The following SLC41A1 variants were observed in gnomAD, a reference collection of about 807,000 sequenced individuals.
SLC41A1 encodes solute carrier family 41 member 1, also known as solute carrier family 41 (magnesium transporter), member 1.
In SLC41A1, 20 loss-of-function variants were observed where a neutral mutation model predicts 47.3. The observed-to-expected ratio is 0.42, with a 90% CI of 0.30 to 0.61. SLC41A1 has a LOEUF of 0.61. Ranked by LOEUF, SLC41A1 falls within the 20% of genes least tolerant of loss-of-function variation. The pLI is 0.17. For missense variants in SLC41A1, 504 were observed against 674.1 expected, an observed-to-expected ratio of 0.75 and a Z score of 2.79; for synonymous variants, 282 against 272.7, an observed-to-expected ratio of 1.03 and a Z score of -0.34.
Position 205,795,422 on chromosome 1 carries a change from T to C in SLC41A1, c.1129A>G (p.Met377Val). The change falls in exon 9 of 11, where the codon ATG becomes GTG. Residue 377 changes from methionine (M) to valine (V), a missense_variant. Met to Val is a conservative substitution (Grantham distance 21). This residue lies in a region of SLC41A1 where 421 missense variants were observed against 601.6 expected (regional missense o/e 0.70). Coordinates refer to ENST00000367137, the MANE Select transcript of SLC41A1 (RefSeq NM_173854.6). ...QASRISTFLH[M>V]NGMPGENSEQ... ...GAGTTCTCTCCGGGCATTCCATTCA[T>C]GTGCAGGAAGGTGGAGATGCGGCTG... 4 of 1,614,198 alleles carry C rather than the reference T, an allele frequency of 2.5e-6. No individual in the cohort carries two copies. Among genetic ancestry groups the C allele is most frequent in the East Asian group, 2.2e-5 (1 of 44,880 alleles).
intron 10 of SLC41A1, 115 bp downstream of exon 10, chr1:205,794,755 C>T: frequency 2.2e-6 from 3 of 1,388,474 alleles, no homozygotes; most frequent in Non-Finnish European, 3.0e-6. Context: ...TTATCAGCTG[C>T]CCTGACACAG....
chr1:205,804,473 G>A (rs1364577524), intron 2 of SLC41A1, among the ~76,000 whole-genome samples: 2 of 152,138 alleles, frequency 1.3e-5, no homozygotes, highest in African/African-American at 4.8e-5. Flanking sequence ...GGATGAGCCA[G>A]CCCTCTCCAA....
chr1:205,812,669 C>CTCT (rs1656185310), intron 1 of SLC41A1, 139 bp downstream of exon 1: 1 of 877,632 alleles, frequency 1.1e-6, no homozygotes, highest in Admixed American at 6.2e-5. Context: ...ATTTTAGTAT[C>CTCT]CCCAACCCCG....
At chr1:205,802,205 C>T (rs988960160) in intron 2 of SLC41A1, among the ~76,000 whole-genome samples, 13 of 152,156 alleles carry the variant, frequency 8.5e-5, no homozygotes, top group African/African-American at 3.1e-4. Flanking sequence ...GGAGGCCAAG[C>T]ACTATGTTTG....
intron 10 of SLC41A1, among the ~76,000 whole-genome samples, chr1:205,792,505 T>A (rs1655647407): frequency 6.6e-6 from 1 of 152,208 alleles, no homozygotes; most frequent in Admixed American, 6.5e-5. Flanking sequence ...ATGACTCAGA[T>A]CAGAATCTCG....
intron 1 of SLC41A1, among the ~76,000 whole-genome samples, chr1:205,811,580 C>A (rs1207471497): frequency 6.6e-6 from 1 of 152,222 alleles, no homozygotes; most frequent in Non-Finnish European, 1.5e-5. Context: ...GACAGCCACA[C>A]AGGGCAAAGA....
chr1:205,800,016 G>C (rs1655843580), intron 3 of SLC41A1, among the ~76,000 whole-genome samples, 186 bp from the exon 4 acceptor site: 1 of 152,236 alleles, frequency 6.6e-6, no homozygotes, highest in Admixed American at 6.5e-5. Flanking sequence ...AGCTAAAGCT[G>C]GGCTCCTGCA....
chr1:205,798,538 G>C, intron 6 of SLC41A1, 131 bp downstream of exon 6: 1 of 1,353,912 alleles, frequency 7.4e-7, no homozygotes, highest in Non-Finnish European at 1.0e-6. Flanking sequence ...TCTAAGATCA[G>C]GAATTATTAC....
At chr1:205,796,107 T>A (rs903223682) in intron 8 of SLC41A1, 3 of 159,918 alleles carry the variant, frequency 1.9e-5, no homozygotes, top group African/African-American at 7.2e-5. Context: ...TTACCCAGTC[T>A]CCCTTGCTGG....
intron 8 of SLC41A1, chr1:205,795,848 G>C: frequency 5.7e-6 from 2 of 352,968 alleles, no homozygotes; most frequent in South Asian, 2.3e-5. Flanking sequence ...ACACAGCTGA[G>C]GGGATGAAGC....
intron 8 of SLC41A1, chr1:205,796,489 T>G: frequency 1.6e-5 from 4 of 242,728 alleles, no homozygotes; most frequent in Non-Finnish European, 3.3e-5. Context: ...ATTTTGCACA[T>G]GCCCAGTTTT....
At chr1:205,805,787 C>G (rs933800688) in intron 2 of SLC41A1, among the ~76,000 whole-genome samples, 4 of 152,166 alleles carry the variant, frequency 2.6e-5, no homozygotes, top group Admixed American at 2.6e-4. Flanking sequence ...AGTGGTCCTG[C>G]CAGTACCTCT....
chr1:205,801,065 G>C lies in SLC41A1; in HGVS notation c.373-5C>G. 1 of 1,613,142 alleles carries C rather than the reference G, an allele frequency of 6.2e-7. No homozygotes were observed. The highest frequency in any genetic ancestry group is 8.5e-7 in the Non-Finnish European group (1 of 1,179,096). ...CTTCTGGAAGACTTCCCAGTGCTAC[G>C]AGGTGAAAACAGAACCCAGGAATTT... On this transcript the variant is annotated splice_polypyrimidine_tract_variant and splice_region_variant and intron_variant, in intron 2 of 10. Transcript: ENST00000367137.
At chr1:205,793,385 G>A (rs1307465991) in intron 10 of SLC41A1, among the ~76,000 whole-genome samples, 1 of 152,218 alleles carries the variant, frequency 6.6e-6, no homozygotes, top group Non-Finnish European at 1.5e-5. Flanking sequence ...TTCAGGCCAA[G>A]GGATGAGCTG....
At position 205,795,494 on chromosome 1, in the gene SLC41A1, C is replaced by T. The variant is rs372104416; in HGVS notation, c.1073-16G>A. ...CCCCCAACACCTGCAGAGACACATA[C>T]GGGCTTAGACACAGACAGAGGTCAG... On this transcript the variant is annotated splice_polypyrimidine_tract_variant and intron_variant, in intron 8 of 10. Transcript: ENST00000367137. 3.7e-5 allele frequency: 60 copies of T among 1,613,956 alleles called. 1 individual carries two copies. Among genetic ancestry groups the T allele is most frequent in the Admixed American group, 1.5e-4 (9 of 59,986 alleles).
chr1:205,811,064 G>C lies in SLC41A1; in HGVS notation c.-623C>G, dbSNP rs1656142378. 6.4e-6 allele frequency: 1 copy of C among 155,094 alleles called. No individual in the cohort carries two copies. Among genetic ancestry groups the C allele is most frequent in the African/African-American group, 2.4e-5 (1 of 41,448 alleles). The allele number at this position is 155,094 out of a possible 1,614,324, so 9.6% of individuals were successfully genotyped here. ...CCTCTTCAAATCCCTGGTCCTTAAA[G>C]TCACGAGAATCAGTGTGGAACACCT... On this transcript the variant is annotated 5_prime_UTR_variant, in exon 2 of 11. Transcript: ENST00000367137.
At chr1:205,801,859 A>G (rs974402770) in intron 2 of SLC41A1, among the ~76,000 whole-genome samples, 3 of 152,190 alleles carry the variant, frequency 2.0e-5, no homozygotes, top group Admixed American at 1.3e-4. Context: ...AGTGCTCTCC[A>G]TGTATTTTCT....
intron 2 of SLC41A1, among the ~76,000 whole-genome samples, chr1:205,809,286 C>G (rs2102511766): frequency 6.6e-6 from 1 of 152,320 alleles, no homozygotes; most frequent in South Asian, 2.1e-4. Flanking sequence ...ATCTCTGGCT[C>G]TTAGATTCCA....
chr1:205,802,878 TAG>T (rs1391043073), intron 2 of SLC41A1, among the ~76,000 whole-genome samples: 9 of 151,690 alleles, frequency 5.9e-5, no homozygotes, highest in Non-Finnish European at 1.2e-4. Flanking sequence ...AGCAAGGATG[TAG>T]AGTTTGGGCT....
Sources: gnomAD v4.1 joint callset for allele counts (sites outside exome capture counted in the v4.1 genomes callset) on GRCh38, gnomAD v4.1.1 for gene constraint, gnomAD v4.1.1 regional missense constraint, MANE v1.5 for transcripts, NCBI Gene and HGNC (gene_info 2026-07-23, HGNC 2026-07-21) for gene names.